Variants in MACROD2 observed in about 807,000 individuals in gnomAD.
The protein encoded by MACROD2 is ADP-ribose glycohydrolase MACROD2.
Under a neutral mutation model 70.4 loss-of-function variants are expected in MACROD2, and 36 were observed. The ratio of observed to expected loss-of-function variants is 0.51; its 90% CI spans 0.39 to 0.68. The LOEUF (loss-of-function observed/expected upper bound fraction) is 0.68, where lower values mean the gene tolerates loss of function less well. MACROD2 is among the 30% of genes least tolerant of loss of function. MACROD2 has a pLI of 0.00. For missense variants in MACROD2, 496 were observed against 538.4 expected (o/e 0.92, Z 0.78); for synonymous variants, 172 against 178.8 (o/e 0.96, Z 0.30).
At chr20:14,729,163 A>G (rs1175240115) in intron 5 of MACROD2, among the ~76,000 whole-genome samples, 1 of 152,164 alleles carries the variant, frequency 6.6e-6, no homozygotes, top group Non-Finnish European at 1.5e-5. Context: ...TTATAAAACT[A>G]TATGAATTTC....
At chr20:15,998,113 A>G (rs989144114) in intron 15 of MACROD2, among the ~76,000 whole-genome samples, 2 of 152,168 alleles carry the variant, frequency 1.3e-5, no homozygotes, top group African/African-American at 4.8e-5. Context: ...ATCTATTTTC[A>G]TCAAGGGTAT....
intron 5 of MACROD2, among the ~76,000 whole-genome samples, chr20:15,172,565 T>C (rs1376460531): frequency 6.6e-6 from 1 of 152,186 alleles, no homozygotes; most frequent in Non-Finnish European, 1.5e-5. Context: ...GTTTTGTTTT[T>C]TTTTCTTTTG....
In MACROD2 at chr20:15,234,004, T is replaced by TAA. The variant is rs1450029358; in HGVS notation, c.540+3944_540+3945insAA. ...TTATTTATATATATATATATATATA[T>TAA]ATATATTCTTTTTTTTTTTTTTTTT... On this transcript the variant is annotated intron_variant, in intron 6 of 17. Transcript: ENST00000684519. Among the ~76,000 whole-genome samples, 13 of 74,982 alleles carry TAA rather than the reference T, an allele frequency of 1.7e-4. 1 individual carries two copies. The highest frequency in any genetic ancestry group is 5.0e-4 in the South Asian group (1 of 1,996). 49.2% of individuals were successfully genotyped at this position (74,982 alleles called of 152,430 possible). A position where few individuals can be genotyped will look rare whatever the true frequency, so the allele number is the denominator to read the frequency against.
At chr20:14,355,004 A>G (rs113700170) in intron 3 of MACROD2, among the ~76,000 whole-genome samples, 4,432 of 152,260 alleles carry the variant, frequency 0.029, 219 homozygotes, top group African/African-American at 0.099. Context: ...CATGGTGTAT[A>G]TGTACCACAT....
chr20:14,974,855 CT>C (rs770100859), intron 5 of MACROD2, among the ~76,000 whole-genome samples: 1 of 152,122 alleles, frequency 6.6e-6, no homozygotes, highest in Non-Finnish European at 1.5e-5. Flanking sequence ...GCCATGCAGA[CT>C]GTGTGAACTC....
At chr20:15,045,908 T>TAA (rs1166297998) in intron 5 of MACROD2, among the ~76,000 whole-genome samples, 1 of 151,872 alleles carries the variant, frequency 6.6e-6, no homozygotes, top group Non-Finnish European at 1.5e-5. Flanking sequence ...TTTCTGAGGG[T>TAA]GTTCTGCTGG....
At chr20:15,054,946 C>CA (rs2075471984) in intron 5 of MACROD2, among the ~76,000 whole-genome samples, 1 of 120,756 alleles carries the variant, frequency 8.3e-6, no homozygotes, top group Non-Finnish European at 1.7e-5. Flanking sequence ...CCACATCTAG[C>CA]TTTTTTTTTT....
chr20:14,266,645 T>A (rs1430053191), intron 3 of MACROD2, among the ~76,000 whole-genome samples: 2 of 152,158 alleles, frequency 1.3e-5, no homozygotes, highest in Non-Finnish European at 2.9e-5. Flanking sequence ...ATACATAATT[T>A]GGATTTTTAA....
intron 5 of MACROD2, among the ~76,000 whole-genome samples, chr20:15,197,972 T>TTG (rs1383644188): frequency 1.3e-5 from 2 of 149,620 alleles, no homozygotes; most frequent in East Asian, 3.9e-4. Flanking sequence ...TTTTTTTTTT[T>TTG]TTTTTTTGAG....
intron 3 of MACROD2, among the ~76,000 whole-genome samples, chr20:14,126,694 A>G (rs1299539344): frequency 6.6e-6 from 1 of 152,204 alleles, no homozygotes; most frequent in Non-Finnish European, 1.5e-5. Flanking sequence ...ATGGGCACAT[A>G]ATAGTTGTGT....
At chr20:14,398,771 G>T (rs888581884) in intron 3 of MACROD2, among the ~76,000 whole-genome samples, 3 of 151,850 alleles carry the variant, frequency 2.0e-5, no homozygotes, top group Non-Finnish European at 4.4e-5. Context: ...ATCTTTTAAA[G>T]GTATTTCAAA....
intron 6 of MACROD2, among the ~76,000 whole-genome samples, chr20:15,394,102 G>A (rs1016269795): frequency 2.0e-5 from 3 of 152,094 alleles, no homozygotes; most frequent in Non-Finnish European, 2.9e-5. Context: ...TGCCATTCAC[G>A]GGAGATTTAC....
At chr20:15,842,910 A>G (rs2064189763) in intron 8 of MACROD2, among the ~76,000 whole-genome samples, 1 of 152,204 alleles carries the variant, frequency 6.6e-6, no homozygotes, top group Non-Finnish European at 1.5e-5. Flanking sequence ...AACTTTTTAT[A>G]TCAAGATCCA....
At chr20:14,582,807 T>C (rs926015275) in intron 4 of MACROD2, among the ~76,000 whole-genome samples, 1 of 152,156 alleles carries the variant, frequency 6.6e-6, no homozygotes, top group Admixed American at 6.5e-5. Context: ...TTGAAACATA[T>C]ATATGTGACC....
chr20:14,066,805 ATTTTTT>A (rs34648174), intron 2 of MACROD2, among the ~76,000 whole-genome samples: 1 of 104,108 alleles, frequency 9.6e-6, no homozygotes, highest in African/African-American at 3.6e-5. Context: ...TGTTTTAGTG[ATTTTTT>A]TTTTTTTTTT....
chr20:15,484,761 T>G (rs1421797786), intron 7 of MACROD2, among the ~76,000 whole-genome samples: 1 of 152,214 alleles, frequency 6.6e-6, no homozygotes. Flanking sequence ...TAGCCCTGGA[T>G]GAATGGATCC....
chr20:15,170,462 G>T (rs2076415082), intron 5 of MACROD2, among the ~76,000 whole-genome samples: 1 of 152,188 alleles, frequency 6.6e-6, no homozygotes, highest in Admixed American at 6.5e-5. Context: ...CAGAGGAACT[G>T]TTGTGCTTGC....
At chr20:15,413,461 C>T (rs1341383507) in intron 6 of MACROD2, among the ~76,000 whole-genome samples, 1 of 152,176 alleles carries the variant, frequency 6.6e-6, no homozygotes, top group Non-Finnish European at 1.5e-5. Context: ...AGGATGACTT[C>T]ATCTTACCAA....
chr20:14,462,034 A>T lies in MACROD2; in HGVS notation c.272-31445A>T, dbSNP rs568867576. Among the ~76,000 whole-genome samples, 3 of 152,084 alleles carry T rather than the reference A, an allele frequency of 2.0e-5. No individual in the cohort carries two copies. The South Asian group carries it at 6.2e-4, about 32-fold the overall frequency. ...GTTGGGTATATACCCAGTAATGAGC[A>T]TGGAATGTTCTTCCAGTAATGGGAT... On this transcript the variant is annotated intron_variant, in intron 3 of 17. Transcript: ENST00000684519.
Sources: gnomAD v4.1 joint callset for allele counts (sites outside exome capture counted in the v4.1 genomes callset) on GRCh38, gnomAD v4.1.1 for gene constraint, MANE v1.5 for transcripts, NCBI Gene and HGNC (gene_info 2026-07-23, HGNC 2026-07-21) for gene names.